The following CDH18 variants were observed in gnomAD, a reference collection of about 807,000 sequenced individuals.
The protein encoded by CDH18 is cadherin-18.
A neutral mutation model predicts 67.9 loss-of-function variants in CDH18; 31 were observed. That is an observed-to-expected ratio of 0.46 (90% CI 0.34 to 0.62). The LOEUF is 0.62. CDH18 is among the 20% of genes least tolerant of loss of function. The pLI is 0.01. For missense variants in CDH18, 890 were observed against 975.5 expected, an observed-to-expected ratio of 0.91 and a Z score of 1.17; for synonymous variants, 362 against 347.2, an observed-to-expected ratio of 1.04 and a Z score of -0.48.
At chr5:19,606,782 C>A (rs567476412) in intron 6 of CDH18, among the ~76,000 whole-genome samples, 33 of 151,846 alleles carry the variant, frequency 2.2e-4, no homozygotes, top group African/African-American at 7.7e-4. Context: ...TGAAAAAATT[C>A]TAACCAAGAG....
At chr5:20,416,774 G>C (rs1315504176) in intron 1 of CDH18, among the ~76,000 whole-genome samples, 1 of 152,018 alleles carries the variant, frequency 6.6e-6, no homozygotes, top group Non-Finnish European at 1.5e-5. Flanking sequence ...ATATGAAGTG[G>C]TATGATAAGG....
chr5:20,404,583 A>T (rs1746062374), intron 1 of CDH18, among the ~76,000 whole-genome samples: 2 of 152,284 alleles, frequency 1.3e-5, no homozygotes, highest in South Asian at 4.1e-4. Flanking sequence ...TAGAGCACCC[A>T]TAACACACAC....
chr5:20,550,242 G>A (rs932680039), intron 1 of CDH18, among the ~76,000 whole-genome samples: 1 of 152,054 alleles, frequency 6.6e-6, no homozygotes, highest in Non-Finnish European at 1.5e-5. Flanking sequence ...AACCAATACT[G>A]GGTGTATTTT....
chr5:19,746,441 T>C (rs1400071048), intron 4 of CDH18, among the ~76,000 whole-genome samples: 1 of 152,228 alleles, frequency 6.6e-6, no homozygotes, highest in Non-Finnish European at 1.5e-5. Flanking sequence ...ATAAGGTATA[T>C]AAATGCTTAG....
intron 2 of CDH18, among the ~76,000 whole-genome samples, chr5:19,886,483 AT>A (rs1788216650): frequency 6.6e-6 from 1 of 152,166 alleles, no homozygotes; most frequent in Non-Finnish European, 1.5e-5. Context: ...AAATTCTGAC[AT>A]CCAGTCCGAG....
At chr5:20,043,594 T>C (rs559249039) in intron 2 of CDH18, among the ~76,000 whole-genome samples, 11 of 152,280 alleles carry the variant, frequency 7.2e-5, no homozygotes, top group African/African-American at 2.2e-4. Flanking sequence ...TATGGATATA[T>C]AGAATGTGGA....
At chr5:20,216,302 T>A (rs1307279595) in intron 2 of CDH18, among the ~76,000 whole-genome samples, 1 of 151,962 alleles carries the variant, frequency 6.6e-6, no homozygotes, top group East Asian at 1.9e-4. Context: ...CCAATGCAAG[T>A]CTTGATGGAA....
chr5:19,864,551 ACAAACT>A (rs753855321), intron 2 of CDH18, among the ~76,000 whole-genome samples: 145 of 151,438 alleles, frequency 9.6e-4, no homozygotes, highest in East Asian at 4.5e-3. Context: ...AAACAACAAC[ACAAACT>A]CAAAGATAAC....
intron 8 of CDH18, among the ~76,000 whole-genome samples, chr5:19,564,491 G>A (rs1177968136): frequency 6.6e-6 from 1 of 152,138 alleles, no homozygotes; most frequent in Non-Finnish European, 1.5e-5. Flanking sequence ...TGCCTTGAAG[G>A]GAAGAACCCA....
intron 1 of CDH18, among the ~76,000 whole-genome samples, chr5:20,391,565 T>A (rs1377129804): frequency 1.3e-5 from 2 of 152,114 alleles, no homozygotes; most frequent in Non-Finnish European, 2.9e-5. Flanking sequence ...ATTTACTAAG[T>A]ATAATCAGCT....
At chr5:19,477,650 C>T (rs2126536117) in intron 12 of CDH18, among the ~76,000 whole-genome samples, 1 of 152,016 alleles carries the variant, frequency 6.6e-6, no homozygotes, top group East Asian at 1.9e-4. Flanking sequence ...AATAATTATA[C>T]ATATAAATAG....
At chr5:19,736,099 G>C (rs930019145) in intron 4 of CDH18, among the ~76,000 whole-genome samples, 4 of 152,286 alleles carry the variant, frequency 2.6e-5, no homozygotes, top group African/African-American at 7.2e-5. Flanking sequence ...TAAAGCACTT[G>C]AAATAATGGA....
At chr5:19,665,166 T>C (rs1265687270) in intron 5 of CDH18, among the ~76,000 whole-genome samples, 1 of 151,984 alleles carries the variant, frequency 6.6e-6, no homozygotes, top group Non-Finnish European at 1.5e-5. Flanking sequence ...ATATTTAACA[T>C]TATGAAGTGT....
At chr5:20,417,234 T>G (rs1240502851) in intron 1 of CDH18, among the ~76,000 whole-genome samples, 2 of 152,170 alleles carry the variant, frequency 1.3e-5, no homozygotes, top group African/African-American at 2.4e-5. Context: ...GCTGTTCTGT[T>G]GCCCGAAAGT....
At chr5:20,401,776 T>C (rs926970671) in intron 1 of CDH18, among the ~76,000 whole-genome samples, 1 of 152,228 alleles carries the variant, frequency 6.6e-6, no homozygotes, top group Non-Finnish European at 1.5e-5. Context: ...CATTCATCAA[T>C]TGGAGTATTC....
intron 3 of CDH18, among the ~76,000 whole-genome samples, chr5:19,823,814 C>A (rs1251065162): frequency 1.3e-5 from 2 of 152,128 alleles, no homozygotes; most frequent in Non-Finnish European, 2.9e-5. Flanking sequence ...CTAAGATCAA[C>A]CACATGCTTG....
intron 3 of CDH18, among the ~76,000 whole-genome samples, chr5:19,754,772 G>A (rs1228306010): frequency 6.6e-6 from 1 of 152,046 alleles, no homozygotes; most frequent in African/African-American, 2.4e-5. Context: ...CACAAAATGA[G>A]CCTCAATAAA....
At chr5:20,487,806 G>A (rs1387950390) in intron 1 of CDH18, among the ~76,000 whole-genome samples, 2 of 151,648 alleles carry the variant, frequency 1.3e-5, no homozygotes, top group African/African-American at 2.4e-5. Context: ...TTATTAAATA[G>A]TACACAGTAT....
chr5:19,872,763 T>G (rs1408822863), intron 2 of CDH18, among the ~76,000 whole-genome samples: 5 of 152,014 alleles, frequency 3.3e-5, no homozygotes, highest in African/African-American at 1.2e-4. Context: ...AATAAATAGG[T>G]TTCAAGCGCA....
Sources: allele counts gnomAD v4.1 joint callset (sites outside exome capture counted in the v4.1 genomes callset), GRCh38; gene constraint gnomAD v4.1.1; transcripts MANE v1.5; gene names NCBI Gene and HGNC (gene_info 2026-07-23, HGNC 2026-07-21).